The following CSMD1 variants were observed in gnomAD, a reference collection of about 807,000 sequenced individuals.
CSMD1 encodes CUB and sushi domain-containing protein 1.
A neutral mutation model predicts 417.5 loss-of-function variants in CSMD1; 213 were observed. The observed-to-expected ratio is 0.51, with a 90% CI of 0.46 to 0.57. The LOEUF (loss-of-function observed/expected upper bound fraction) is 0.57. Among genes scored for constraint, CSMD1 ranks in the 20% least tolerant of loss-of-function variants. The pLI is 0.00. For missense variants in CSMD1, 6,923 were observed against 4,529.7 expected, an observed-to-expected ratio of 1.53 and a Z score of -15.17; for synonymous variants, 2,862 against 1,736.8, an observed-to-expected ratio of 1.65 and a Z score of -16.11.
At chr8:4,922,026 A>T (rs1216337854) in intron 1 of CSMD1, among the ~76,000 whole-genome samples, 1 of 152,144 alleles carries the variant, frequency 6.6e-6, no homozygotes, top group Non-Finnish European at 1.5e-5. Flanking sequence ...AAGCCTTTCA[A>T]GAATCCCCCA....
Position 3,714,505 on chromosome 8 carries a change from T to C in CSMD1, c.932-6014A>G, listed in dbSNP as rs188220909. ...TGGGAGGCTGAGACAGGGGATCACA[T>C]GAAGTTAGGAGTTCAACAGCAGCCT... On this transcript the variant is annotated intron_variant, in intron 6 of 69. Transcript: ENST00000635120. Among the ~76,000 whole-genome samples the C allele has an allele frequency of 2.4e-3, 323 of 136,280 alleles. 1 individual carries two copies. Among genetic ancestry groups the C allele is most frequent in the African/African-American group, 5.2e-3 (188 of 35,920 alleles). 89.4% of individuals were successfully genotyped at this position (136,280 alleles called of 152,430 possible).
chr8:3,488,652 A>G (rs1311596419), intron 11 of CSMD1, among the ~76,000 whole-genome samples: 1 of 152,170 alleles, frequency 6.6e-6, no homozygotes, highest in African/African-American at 2.4e-5. Context: ...TCCTAGCATA[A>G]TATTTGGCAT....
chr8:3,470,671 C>T (rs919868476), intron 11 of CSMD1, among the ~76,000 whole-genome samples: 2 of 152,088 alleles, frequency 1.3e-5, no homozygotes, highest in African/African-American at 4.8e-5. Context: ...ACACTCATGC[C>T]CCTCTTGCTA....
intron 5 of CSMD1, among the ~76,000 whole-genome samples, chr8:3,986,069 C>T (rs1814298614): frequency 6.6e-6 from 1 of 151,988 alleles, no homozygotes. Context: ...ATGAAGACCC[C>T]ATCCAAAAAT....
chr8:3,967,329 C>G (rs144583061), intron 5 of CSMD1, among the ~76,000 whole-genome samples: 3 of 152,050 alleles, frequency 2.0e-5, no homozygotes, highest in Non-Finnish European at 2.9e-5. Flanking sequence ...AATGATGGTA[C>G]GGCTTCTCCA....
rs867580789 is a variant in CSMD1 at position 4,321,657 on chromosome 8, G to C, written c.415+98296C>G. ...CTCTGCAAAGTTTAATAGTGGTAAAGATAAAAGAGCTGTTCAACATTCCTA... is the reference window on the plus strand; with the variant it reads ...CTCTGCAAAGTTTAATAGTGGTAAACATAAAAGAGCTGTTCAACATTCCTA... On this transcript the variant is annotated intron_variant, in intron 3 of 69. Transcript: ENST00000635120. 3.9e-5 allele frequency among the ~76,000 whole-genome samples: 6 copies of C among 152,146 alleles called. No homozygotes were observed. In the South Asian group the frequency reaches 6.2e-4, roughly 16 times the overall value.
At chr8:3,764,848 G>C (rs1798187471) in intron 5 of CSMD1, among the ~76,000 whole-genome samples, 2 of 151,626 alleles carry the variant, frequency 1.3e-5, no homozygotes, top group Admixed American at 1.3e-4. Context: ...CTGGGTTCAA[G>C]GGATTCTCAT....
chr8:4,338,126 A>C (rs1173085823), intron 3 of CSMD1, among the ~76,000 whole-genome samples: 1 of 152,136 alleles, frequency 6.6e-6, no homozygotes, highest in African/African-American at 2.4e-5. Flanking sequence ...TTTGAGAATT[A>C]CTATGATTTT....
At chr8:3,111,641 G>C (rs1361093202) in intron 42 of CSMD1, among the ~76,000 whole-genome samples, 1 of 152,124 alleles carries the variant, frequency 6.6e-6, no homozygotes, top group Non-Finnish European at 1.5e-5. Flanking sequence ...AGACCAGCCT[G>C]ACCAACATGG....
At chr8:4,037,349 T>A (rs951028479) in intron 3 of CSMD1, among the ~76,000 whole-genome samples, 1 of 152,206 alleles carries the variant, frequency 6.6e-6, no homozygotes, top group African/African-American at 2.4e-5. Flanking sequence ...GCACTTGAAG[T>A]GAGCACTTGC....
chr8:2,985,676 C>A (rs1805832879), intron 54 of CSMD1, among the ~76,000 whole-genome samples: 1 of 152,244 alleles, frequency 6.6e-6, no homozygotes, highest in South Asian at 2.1e-4. Flanking sequence ...GATTGACATA[C>A]AAGGAAGAAA....
intron 10 of CSMD1, among the ~76,000 whole-genome samples, chr8:3,509,046 G>A (rs1489189065): frequency 6.6e-6 from 1 of 152,202 alleles, no homozygotes; most frequent in Non-Finnish European, 1.5e-5. Flanking sequence ...GCAAGACACT[G>A]TATCAGCGGT....
At chr8:3,455,119 G>A (rs1045178094) in intron 12 of CSMD1, among the ~76,000 whole-genome samples, 128 of 152,196 alleles carry the variant, frequency 8.4e-4, no homozygotes, top group African/African-American at 2.7e-3. Context: ...ACTGAGGCTT[G>A]TGCATTCATC....
chr8:4,284,392 G>T (rs953311185), intron 3 of CSMD1, among the ~76,000 whole-genome samples: 1 of 63,302 alleles, frequency 1.6e-5, no homozygotes, highest in African/African-American at 6.6e-5. Flanking sequence ...TCCCCAAAAA[G>T]AGAAAGGTTG....
chr8:3,013,685 G>C (rs1369646328), intron 52 of CSMD1, among the ~76,000 whole-genome samples: 1 of 151,806 alleles, frequency 6.6e-6, no homozygotes, highest in Non-Finnish European at 1.5e-5. Flanking sequence ...CCAGGAGGTG[G>C]AGGTTGCAGT....
chr8:3,411,324 T>C (rs75175330), intron 12 of CSMD1, among the ~76,000 whole-genome samples: 5,104 of 152,072 alleles, frequency 0.034, 314 homozygotes, highest in East Asian at 0.23. Context: ...AGCAAATTCT[T>C]TGTGGGGTAT....
chr8:4,615,141 G>C (rs554996118), intron 2 of CSMD1, among the ~76,000 whole-genome samples: 1 of 152,212 alleles, frequency 6.6e-6, no homozygotes, highest in African/African-American at 2.4e-5. Context: ...CACAAGAAGA[G>C]GAAAAAGCAA....
intron 18 of CSMD1, among the ~76,000 whole-genome samples, chr8:3,371,355 G>C (rs144007572): frequency 1.3e-5 from 2 of 152,104 alleles, no homozygotes; most frequent in Admixed American, 1.3e-4. Flanking sequence ...AAAAATCACA[G>C]CTCATTCCTG....
chr8:3,572,795 A>C (rs1799997832), intron 10 of CSMD1, among the ~76,000 whole-genome samples: 1 of 151,850 alleles, frequency 6.6e-6, no homozygotes, highest in African/African-American at 2.4e-5. Flanking sequence ...ATTTACTCTT[A>C]ACTCAAGTCA....
Sources: allele counts gnomAD v4.1 joint callset (sites outside exome capture counted in the v4.1 genomes callset), GRCh38; gene constraint gnomAD v4.1.1; transcripts MANE v1.5; gene names NCBI Gene and HGNC (gene_info 2026-07-23, HGNC 2026-07-21).